The following QTGAL variants were observed in gnomAD, a reference collection of about 807,000 sequenced individuals.
QTGAL encodes BGnT-like protein 1.
the QTGAL span, among the ~76,000 whole-genome samples, chr17:82,998,931 T>A: frequency 6.7e-6 from 1 of 149,346 alleles, no homozygotes; most frequent in African/African-American, 2.5e-5. Flanking sequence ...CACCACGAGA[T>A]ACCACTACAT....
chr17:82,958,253 G>A, the QTGAL span, among the ~76,000 whole-genome samples: 7 of 152,348 alleles, frequency 4.6e-5, no homozygotes, highest in South Asian at 6.2e-4. Context: ...CCAGAACGGC[G>A]TGGGATGTGT....
At chr17:83,017,111 T>C in the QTGAL span, among the ~76,000 whole-genome samples, 1,927 of 152,160 alleles carry the variant, frequency 0.013, 41 homozygotes, top group African/African-American at 0.044. Context: ...AGACAAACGC[T>C]GGTGTTGCCA....
chr17:83,017,912 G>A, the QTGAL span, among the ~76,000 whole-genome samples: 14 of 144,822 alleles, frequency 9.7e-5, no homozygotes, highest in African/African-American at 2.8e-4. Flanking sequence ...GGTACCACAC[G>A]TGCTCCACAA....
the QTGAL span, among the ~76,000 whole-genome samples, chr17:82,973,850 G>T: frequency 8.3e-3 from 1,264 of 152,222 alleles, 17 homozygotes; most frequent in African/African-American, 0.029. Context: ...CCACAATGGC[G>T]CTGGGGCTGC....
At chr17:83,001,942 C>T in the QTGAL span, among the ~76,000 whole-genome samples, 2 of 151,884 alleles carry the variant, frequency 1.3e-5, no homozygotes, top group Non-Finnish European at 2.9e-5. Context: ...GATAATGTTT[C>T]GTAGAGACAG....
chr17:83,038,334 G>A, the QTGAL span, among the ~76,000 whole-genome samples: 5 of 152,206 alleles, frequency 3.3e-5, no homozygotes, highest in African/African-American at 4.8e-5. Flanking sequence ...CCTTCACCTC[G>A]GTCCTTCAGA....
chr17:83,045,868 C>A, the QTGAL span, among the ~76,000 whole-genome samples: 1 of 150,718 alleles, frequency 6.6e-6, no homozygotes, highest in Non-Finnish European at 1.5e-5. Context: ...AGGCTGGAGT[C>A]CAATGGTACG....
the QTGAL span, among the ~76,000 whole-genome samples, chr17:83,022,201 T>C: frequency 6.6e-6 from 1 of 152,244 alleles, no homozygotes; most frequent in African/African-American, 2.4e-5. Flanking sequence ...ATGGTCATTA[T>C]CAAAATTTAA....
chr17:82,980,153 G>A, the QTGAL span, among the ~76,000 whole-genome samples: 3 of 152,214 alleles, frequency 2.0e-5, no homozygotes, highest in Non-Finnish European at 4.4e-5. Context: ...GTTAGGTGAA[G>A]TAGTCTTGGG....
chr17:82,976,985 C>G, the QTGAL span, among the ~76,000 whole-genome samples: 2 of 152,072 alleles, frequency 1.3e-5, 1 homozygote, highest in Non-Finnish European at 2.9e-5. Flanking sequence ...TCCCAGGGGC[C>G]GGAGGCCACC....
At chr17:82,975,896 AAC>A in the QTGAL span, among the ~76,000 whole-genome samples, 10 of 43,348 alleles carry the variant, frequency 2.3e-4, no homozygotes, top group Admixed American at 1.4e-3. Flanking sequence ...ACTTATGGGG[AAC>A]GAGGGCCCCG....
the QTGAL span, chr17:82,946,829 A>G: frequency 7.2e-7 from 1 of 1,392,570 alleles, no homozygotes; most frequent in Non-Finnish European, 9.9e-7. Context: ...AAAGGAAATG[A>G]AACATAATAA....
chr17:83,013,236 C>G, the QTGAL span, among the ~76,000 whole-genome samples: 1 of 151,996 alleles, frequency 6.6e-6, no homozygotes, highest in Non-Finnish European at 1.5e-5. Flanking sequence ...GACACACCCC[C>G]AAAGGAGGCA....
the QTGAL span, among the ~76,000 whole-genome samples, chr17:83,011,177 A>G: frequency 6.6e-6 from 1 of 152,216 alleles, no homozygotes; most frequent in Non-Finnish European, 1.5e-5. Flanking sequence ...CAGGAATCCA[A>G]GGGTCAGCCG....
chr17:82,983,279 C>T, the QTGAL span, among the ~76,000 whole-genome samples: 5 of 152,274 alleles, frequency 3.3e-5, no homozygotes, highest in South Asian at 1.0e-3. Flanking sequence ...GACTCCATCT[C>T]AAAATATATA....
At chr17:83,034,991 A>T in the QTGAL span, 1 of 1,428,552 alleles carries the variant, frequency 7.0e-7, no homozygotes, top group South Asian at 1.2e-5. Flanking sequence ...TATTCAACCA[A>T]CATGTACACA....
At chr17:82,965,659 C>T in the QTGAL span, 1 of 1,608,754 alleles carries the variant, frequency 6.2e-7, no homozygotes, top group Non-Finnish European at 8.5e-7. Context: ...ACCTGACCTC[C>T]CTCGTTAAAG....
the QTGAL span, among the ~76,000 whole-genome samples, chr17:82,985,299 A>T: frequency 6.6e-6 from 1 of 152,264 alleles, no homozygotes; most frequent in Non-Finnish European, 1.5e-5. Flanking sequence ...AATGTGACTC[A>T]GACAATGAAC....
chr17:83,005,370 C>T, the QTGAL span, among the ~76,000 whole-genome samples: 1 of 151,910 alleles, frequency 6.6e-6, no homozygotes, highest in Non-Finnish European at 1.5e-5. The surrounding 1 kb of genome is among the most constrained non-coding windows in gnomAD (Gnocchi z 5.6). Context: ...GAGTCGAGGG[C>T]GAGGAGGAGG....
Sources: gnomAD v4.1 joint callset for allele counts (sites outside exome capture counted in the v4.1 genomes callset) on GRCh38, gnomAD v4.1.1 for gene constraint, Gnocchi (gnomAD v3.1) non-coding constraint, MANE v1.5 for transcripts, NCBI Gene and HGNC (gene_info 2026-07-23, HGNC 2026-07-21) for gene names.